TC2N: variants seen among roughly 807,000 people sequenced by gnomAD.
TC2N encodes the protein tandem C2 domains nuclear protein.
Under a neutral mutation model 61.9 loss-of-function variants are expected in TC2N, and 51 were observed. The observed-to-expected ratio is 0.82, with a 90% confidence interval of 0.66 to 1.04. TC2N has a LOEUF of 1.04. Among genes scored for constraint, TC2N ranks in the 50% least tolerant of loss-of-function variants. The pLI is 0.00. For missense variants in TC2N, 556 were observed against 566.7 expected (o/e 0.98, Z 0.19); for synonymous variants, 204 against 192.6 (o/e 1.06, Z -0.49).
intron 1 of TC2N, among the ~76,000 whole-genome samples, chr14:91,864,328 G>T (rs919814453): frequency 1.3e-5 from 2 of 152,158 alleles, no homozygotes; most frequent in Admixed American, 6.5e-5. Context: ...GCTTGTAGGG[G>T]AGTAGGGGGA....
intron 1 of TC2N, among the ~76,000 whole-genome samples, chr14:91,830,702 T>C (rs969457029): frequency 4.6e-5 from 7 of 152,162 alleles, no homozygotes; most frequent in Non-Finnish European, 7.4e-5. Flanking sequence ...GTGAATTTTA[T>C]GGTATGTTAG....
chr14:91,854,479 T>G (rs1000640815), intron 1 of TC2N, among the ~76,000 whole-genome samples: 267 of 47,842 alleles, frequency 5.6e-3, no homozygotes, highest in African/African-American at 6.7e-3. Flanking sequence ...GAGGAGGAGA[T>G]AGGGGAGGTG....
At chr14:91,815,507 T>G (rs561028499) in intron 1 of TC2N, among the ~76,000 whole-genome samples, 1 of 151,888 alleles carries the variant, frequency 6.6e-6, no homozygotes, top group East Asian at 1.9e-4. Context: ...AAGAACTTCA[T>G]GTCCAATTTC....
In TC2N at chr14:91,785,194, T is replaced by G. The variant is rs1663419514; in HGVS notation, c.1330A>C (p.Ser444Arg). ...IVFLIKLYSR[S>R]SVRRKHFVGQ... ...ACAAAGTGTTTTCTTCTTACAGAGCTTCGACTGTAAAGCTTAATGAGAAAA... is the reference window on the plus strand; with the variant it reads ...ACAAAGTGTTTTCTTCTTACAGAGCGTCGACTGTAAAGCTTAATGAGAAAA... Residue 444 changes from serine to arginine, a missense_variant, in exon 11 of 12, where the codon AGC becomes CGC. By Grantham distance (110) the Ser-to-Arg change is moderately radical (BLOSUM62 -1). Coordinates refer to ENST00000435962, the MANE Select transcript of TC2N (RefSeq NM_001128596.3). The G allele has an allele frequency of 6.2e-7, 1 of 1,613,568 alleles. No individual in the cohort carries two copies. Among genetic ancestry groups the G allele is most frequent in the Non-Finnish European group, 8.5e-7 (1 of 1,179,652 alleles).
intron 1 of TC2N, chr14:91,836,625 C>T (rs983865057): frequency 7.5e-6 from 1 of 133,728 alleles, no homozygotes; most frequent in African/African-American, 2.7e-5. Context: ...AGGGGCGAGG[C>T]AGGGCGGGGC....
At chr14:91,856,246 T>G (rs1180317287) in intron 1 of TC2N, among the ~76,000 whole-genome samples, 1 of 152,164 alleles carries the variant, frequency 6.6e-6, no homozygotes, top group Non-Finnish European at 1.5e-5. Context: ...CCCAGCATTT[T>G]GGGAGGCAGA....
In TC2N at chr14:91,783,211, C is replaced by T; in HGVS notation, c.1363-1G>A. ...TATTACTGTCTTCACTTATCCAAAT[C>T]TGTAAAGGAAAGTATGTACAATCAT... On this transcript the variant is annotated splice_acceptor_variant, in intron 11 of 11. Coordinates refer to ENST00000435962, the MANE Select transcript of TC2N (RefSeq NM_001128596.3). LOFTEE classifies it high-confidence loss of function. 1.3e-6 allele frequency: 2 copies of T among 1,547,838 alleles called. No homozygotes were observed. The highest frequency in any genetic ancestry group is 1.8e-6 in the Non-Finnish European group (2 of 1,122,000).
chr14:91,844,534 C>A (rs373722678), intron 1 of TC2N, among the ~76,000 whole-genome samples: 1 of 151,398 alleles, frequency 6.6e-6, no homozygotes, highest in African/African-American at 2.4e-5. Flanking sequence ...GAGGCCGAGG[C>A]GGGCAGATCA....
intron 9 of TC2N, among the ~76,000 whole-genome samples, chr14:91,790,357 T>C (rs1293116606): frequency 1.3e-5 from 2 of 152,184 alleles, no homozygotes; most frequent in African/African-American, 4.8e-5. Context: ...TCTTTAGACA[T>C]CACTATTAGA....
At chr14:91,851,799 C>A (rs1311489861) in intron 1 of TC2N, among the ~76,000 whole-genome samples, 1 of 152,182 alleles carries the variant, frequency 6.6e-6, no homozygotes, top group Non-Finnish European at 1.5e-5. Context: ...CAATGTTTAT[C>A]CTGGATCATC....
At chr14:91,804,516 CTACTG>C (rs1228909650) in intron 3 of TC2N, among the ~76,000 whole-genome samples, 3 of 152,126 alleles carry the variant, frequency 2.0e-5, no homozygotes, top group African/African-American at 4.8e-5. Context: ...CACAGAAACA[CTACTG>C]TACACTATGC....
intron 1 of TC2N, among the ~76,000 whole-genome samples, chr14:91,844,005 G>A (rs535966721): frequency 1.1e-4 from 17 of 152,108 alleles, no homozygotes; most frequent in African/African-American, 4.1e-4. Flanking sequence ...TGGGAGCTCT[G>A]TAATCCATTT....
chr14:91,862,255 G>T (rs570489317), intron 1 of TC2N, among the ~76,000 whole-genome samples: 4 of 150,072 alleles, frequency 2.7e-5, no homozygotes, highest in African/African-American at 9.9e-5. Flanking sequence ...TGGTAGGATC[G>T]CTTAAGCCCA....
At chr14:91,807,777 T>C (rs1368994910) in intron 3 of TC2N, among the ~76,000 whole-genome samples, 1 of 152,060 alleles carries the variant, frequency 6.6e-6, no homozygotes, top group African/African-American at 2.4e-5. Context: ...TGGGAAGGCA[T>C]AATTGGTTTT....
intron 1 of TC2N, among the ~76,000 whole-genome samples, chr14:91,861,913 A>AAT (rs10654548): frequency 0.8 from 119,409 of 148,754 alleles, 48,550 homozygotes; most frequent in East Asian, 0.88. Flanking sequence ...GTCGTTGGAA[A>AAT]ATATATATAT....
rs1220657975 is a variant in TC2N, at chr14:91,837,429, A to G, written c.-56-23604T>C. Among the ~76,000 whole-genome samples the G allele has an allele frequency of 6.6e-6, 1 of 152,174 alleles. No individual in the cohort carries two copies. Among genetic ancestry groups the G allele is most frequent in the Non-Finnish European group, 1.5e-5 (1 of 68,034 alleles). ...GAGATGAAGTCTTATTATATGGCCC[A>G]GGCTAGTCTTGAACTCCTGGACTCA... On this transcript the variant is annotated intron_variant, in intron 1 of 11. Transcript: ENST00000435962. The surrounding 1 kb of genome is among the most constrained non-coding windows in gnomAD (Gnocchi z 4.2).
chr14:91,787,708 G>T, intron 9 of TC2N, 81 bp from the exon 10 acceptor site: 1 of 781,228 alleles, frequency 1.3e-6, no homozygotes, highest in Non-Finnish European at 2.1e-6. Context: ...AAAAAGCTAA[G>T]GTTAGAAATT....
At chr14:91,825,616 G>A (rs1488719257) in intron 1 of TC2N, among the ~76,000 whole-genome samples, 1 of 152,050 alleles carries the variant, frequency 6.6e-6, no homozygotes, top group Non-Finnish European at 1.5e-5. Context: ...ATAACTACCT[G>A]ATGTGCTAGA....
At position 91,801,510 on chromosome 14, in the gene TC2N, A is replaced by T. The variant is rs543522953; in HGVS notation, c.469+744T>A. 1.6e-4 allele frequency among the ~76,000 whole-genome samples: 24 copies of T among 152,288 alleles called. No homozygotes were observed. The South Asian group carries it at 4.3e-3, about 28-fold the overall frequency. ...CTCTACAAAAAAATTCAAAAAAATT[A>T]GTCAGGTGTGGTGGCACACTTCTGT... On this transcript the variant is annotated intron_variant, in intron 4 of 11. Coordinates refer to ENST00000435962, the MANE Select transcript of TC2N (RefSeq NM_001128596.3).
Sources: allele counts gnomAD v4.1 joint callset (sites outside exome capture counted in the v4.1 genomes callset), GRCh38; gene constraint gnomAD v4.1.1; non-coding constraint Gnocchi (gnomAD v3.1); transcripts MANE v1.5; gene names NCBI Gene and HGNC (gene_info 2026-07-23, HGNC 2026-07-21).